Variants in CD300C observed in about 807,000 individuals in gnomAD.
CD300C encodes the protein CMRF35-like molecule 6.
Under a neutral mutation model 18.4 loss-of-function variants are expected in CD300C, and 11 were observed. The ratio of observed to expected loss-of-function variants is 0.60; its 90% confidence interval spans 0.38 to 0.99. The LOEUF (loss-of-function observed/expected upper bound fraction) is 0.99. Among genes scored for constraint, CD300C ranks in the 50% least tolerant of loss-of-function variants. The probability of loss-of-function intolerance (pLI) is 0.01; values close to 1 mark genes in which losing one functional copy is unlikely to be tolerated. For missense variants in CD300C, 277 were observed against 287.4 expected, an observed-to-expected ratio of 0.96 and a Z score of 0.26; for synonymous variants, 116 against 116.3, an observed-to-expected ratio of 1.00 and a Z score of 0.02.
intron 2 of CD300C, 32 bp from the exon 3 acceptor site, chr17:74,543,019 C>T: frequency 1.2e-6 from 2 of 1,611,822 alleles, no homozygotes; most frequent in Non-Finnish European, 1.7e-6. Flanking sequence ...ACCTTGATGA[C>T]ATCACATGGG....
chr17:74,541,661 G>A lies in CD300C; in HGVS notation c.603C>T (p.Ala201=), dbSNP rs372335240. The stretch of plus-strand genomic sequence containing the variant: ...TCTGAGGTCTGTTCACCCAGAGGAC[G>A]GCACCCAGCATGCTCAGGAGCAGGG... ...ELPLLLSMLG[A]VLWVNRPQRS... Residue 201 remains alanine, a synonymous_variant, in exon 4 of 4, where the codon GCC becomes GCT. Coordinates refer to ENST00000330793, the MANE Select transcript of CD300C (RefSeq NM_006678.5). 112 of 1,613,952 alleles carry A rather than the reference G, an allele frequency of 6.9e-5. No individual in the cohort carries two copies. The South Asian group carries it at 8.3e-4, about 12-fold the overall frequency.
intron 3 of CD300C, 22 bp downstream of exon 3, chr17:74,542,839 G>C: frequency 6.3e-7 from 1 of 1,599,968 alleles, no homozygotes; most frequent in Non-Finnish European, 8.5e-7. Context: ...GCGTGGCCCA[G>C]TCCTATGCGC....
Position 74,545,711 on chromosome 17 carries a change from G to C in CD300C, c.61+11C>G, listed in dbSNP as rs149530300. 1.2e-6 allele frequency: 2 copies of C among 1,602,922 alleles called. No homozygotes were observed. Among genetic ancestry groups the C allele is most frequent in the Non-Finnish European group, 8.5e-7 (1 of 1,174,548 alleles). ...GACAGAGCTCCCCAAGTCCAGGGTCGGCCCACTCACCTGGGACAAGCAGGA... is the reference window on the plus strand; with the variant it reads ...GACAGAGCTCCCCAAGTCCAGGGTCCGCCCACTCACCTGGGACAAGCAGGA... On this transcript the variant is annotated intron_variant, in intron 1 of 3. Coordinates refer to ENST00000330793, the MANE Select transcript of CD300C (RefSeq NM_006678.5).
chr17:74,545,902 C>T lies in CD300C; in HGVS notation c.-120G>A. 1.1e-6 allele frequency: 1 copy of T among 869,696 alleles called. No homozygotes were observed. Among genetic ancestry groups the T allele is most frequent in the Non-Finnish European group, 1.8e-6 (1 of 548,664 alleles). 53.9% of individuals were successfully genotyped at this position (869,696 alleles called of 1,614,324 possible). A position where few individuals can be genotyped will look rare whatever the true frequency, so the allele number is the denominator to read the frequency against. On this transcript the variant is annotated 5_prime_UTR_variant, in exon 1 of 4. Coordinates refer to ENST00000330793, the MANE Select transcript of CD300C (RefSeq NM_006678.5). The stretch of plus-strand genomic sequence containing the variant: ...TTCTTCTGCTCTCTGCTTCCTTGTC[C>T]AGCCCTGTCTCAGGTCTGAGGCTGG...
Position 74,542,889 on chromosome 17 carries a change from C to A in CD300C, c.499G>T (p.Asp167Tyr). 6.2e-7 allele frequency: 1 copy of A among 1,610,200 alleles called. No homozygotes were observed. Among genetic ancestry groups the A allele is most frequent in the South Asian group, 1.1e-5 (1 of 91,042 alleles). ...GGGTGTGGGCTGGGTTCGGGGCTGT[C>A]CTTTCTGGTCACGCTGGGCCAGGTG... ...VHTWPSVTRK[D>Y]SPEPSPHPGS... Residue 167 changes from aspartate to tyrosine, a missense_variant, in exon 3 of 4, where the codon GAC becomes TAC. Physicochemically the swap from Asp to Tyr is radical, Grantham distance 160 (BLOSUM62 -3). Coordinates refer to ENST00000330793, the MANE Select transcript of CD300C (RefSeq NM_006678.5).
At position 74,541,369 on chromosome 17, in the gene CD300C, G is replaced by A. The variant is rs751781154; in HGVS notation, c.*220C>T. On this transcript the variant is annotated 3_prime_UTR_variant, in exon 4 of 4. Transcript: ENST00000330793. ...CTGACGGCCCGAGGCTTAGCTGGCC[G>A]GGGCGTGCACATGAGACGTGGACTC... 1.6e-5 allele frequency: 8 copies of A among 505,414 alleles called. No individual in the cohort carries two copies. The highest frequency in any genetic ancestry group is 4.6e-5 in the South Asian group (2 of 43,314). The allele number at this position is 505,414 out of a possible 1,614,324, so 31.3% of individuals were successfully genotyped here. A position where few individuals can be genotyped will look rare whatever the true frequency, so the allele number is the denominator to read the frequency against.
At position 74,545,963 on chromosome 17, in the gene CD300C, C is replaced by A. The variant is rs1347995898; in HGVS notation, c.-181G>T. 5.0e-6 allele frequency: 3 copies of A among 605,100 alleles called. No individual in the cohort carries two copies. Among genetic ancestry groups the A allele is most frequent in the Non-Finnish European group, 8.9e-6 (3 of 337,278 alleles). The allele number at this position is 605,100 out of a possible 1,614,324, so 37.5% of individuals were successfully genotyped here. On this transcript the variant is annotated 5_prime_UTR_variant, in exon 1 of 4. Transcript: ENST00000330793. ...GGTACAGGAAGCTCAGGGAGAGAGC[C>A]GCCTGGGCTGAGGCCGGTGCTGACA...
At chr17:74,539,509 GAC>G (rs377550054), downstream of CD300C, among the ~76,000 whole-genome samples, 7 of 152,018 alleles carry the variant, frequency 4.6e-5, no homozygotes, top group East Asian at 3.9e-4. Context: ...TGTGACCCCT[GAC>G]ACACACACAC....
chr17:74,542,717 C>A (rs890054534), intron 3 of CD300C, 144 bp downstream of exon 3: 5 of 991,782 alleles, frequency 5.0e-6, no homozygotes, highest in Non-Finnish European at 7.3e-6. Flanking sequence ...AAAAGGAGCG[C>A]CTGACACTTA....
At chr17:74,540,265 A>G (rs1408832512), downstream of CD300C, among the ~76,000 whole-genome samples, 1 of 152,136 alleles carries the variant, frequency 6.6e-6, no homozygotes, top group Non-Finnish European at 1.5e-5. Context: ...CTCAGCGCCT[A>G]TTAGAGGGGC....
chr17:74,544,356 C>A (rs557713529), intron 2 of CD300C, among the ~76,000 whole-genome samples: 1 of 152,300 alleles, frequency 6.6e-6, no homozygotes, highest in Admixed American at 6.5e-5. Flanking sequence ...AGCCACAGGG[C>A]CAGGGTGCTT....
chr17:74,536,335 C>T (rs1908373446), downstream of CD300C, among the ~76,000 whole-genome samples: 1 of 151,854 alleles, frequency 6.6e-6, no homozygotes, highest in African/African-American at 2.4e-5. Context: ...AGATCGAGAC[C>T]ATCCTGGCTA....
At chr17:74,540,188 C>T (rs1413767765), downstream of CD300C, among the ~76,000 whole-genome samples, 1 of 152,190 alleles carries the variant, frequency 6.6e-6, no homozygotes, top group Non-Finnish European at 1.5e-5. Context: ...GCTGCTCTCT[C>T]TGCCTCAGGG....
chr17:74,541,744 G>T lies in CD300C; in HGVS notation c.528-8C>A. On this transcript the variant is annotated splice_polypyrimidine_tract_variant and splice_region_variant and intron_variant, in intron 3 of 3. Transcript: ENST00000330793. The stretch of plus-strand genomic sequence containing the variant: ...ACATTGCTGAACAGGGAGCTGTGGG[G>T]ACACGGTGACAGGCAGTGAGTCACC... The T allele has an allele frequency of 6.2e-7, 1 of 1,611,018 alleles. No homozygotes were observed. The highest frequency in any genetic ancestry group is 8.5e-7 in the Non-Finnish European group (1 of 1,178,562).
At chr17:74,540,903 C>G (rs1335755393), downstream of CD300C, among the ~76,000 whole-genome samples, 2 of 152,164 alleles carry the variant, frequency 1.3e-5, no homozygotes, top group African/African-American at 4.8e-5. Context: ...CCAGAGGGAC[C>G]TAAAGACACT....
chr17:74,544,331 C>T (rs922535106), intron 2 of CD300C, among the ~76,000 whole-genome samples: 2 of 152,128 alleles, frequency 1.3e-5, no homozygotes, highest in African/African-American at 4.8e-5. Context: ...GGAGGGCCCA[C>T]AGCGGGGGGT....
intron 1 of CD300C, 151 bp from the exon 2 acceptor site, chr17:74,545,098 G>A (rs1908708322): frequency 8.4e-6 from 6 of 716,964 alleles, no homozygotes; most frequent in Non-Finnish European, 1.4e-5. Context: ...CTGAGGGTGG[G>A]AGGCTCCCTC....
At chr17:74,535,681 T>A in the CD300C span, among the ~76,000 whole-genome samples, 2 of 152,160 alleles carry the variant, frequency 1.3e-5, no homozygotes, top group South Asian at 2.1e-4. Flanking sequence ...ACATTTAAAG[T>A]CTCAACATAA....
At chr17:74,539,692 T>C (rs1443964730), downstream of CD300C, among the ~76,000 whole-genome samples, 1 of 152,214 alleles carries the variant, frequency 6.6e-6, no homozygotes, top group Non-Finnish European at 1.5e-5. Flanking sequence ...ACTCGGGTCT[T>C]TGTCCAGACC....
Sources: gnomAD v4.1 joint callset for allele counts (sites outside exome capture counted in the v4.1 genomes callset) on GRCh38, gnomAD v4.1.1 for gene constraint, MANE v1.5 for transcripts, NCBI Gene and HGNC (gene_info 2026-07-23, HGNC 2026-07-21) for gene names.